The following TAFA2 variants were observed in gnomAD, a reference collection of about 807,000 sequenced individuals.
TAFA2 encodes chemokine-like protein TAFA-2.
Under a neutral mutation model 18.8 loss-of-function variants are expected in TAFA2, and 7 were observed. The observed-to-expected ratio is 0.37, with a 90% CI of 0.21 to 0.70. The LOEUF is 0.70. Among genes scored for constraint, TAFA2 ranks in the 30% least tolerant of loss-of-function variants. TAFA2 has a pLI of 0.53. For synonymous variants in TAFA2, 60 were observed against 54.2 expected (o/e 1.11, Z -0.47); for missense variants, 122 against 158.1 (o/e 0.77, Z 1.23).
At chr12:61,785,635 T>G (rs1592387199) in intron 2 of TAFA2, among the ~76,000 whole-genome samples, 1 of 151,518 alleles carries the variant, frequency 6.6e-6, no homozygotes. Context: ...CCTTGAACTT[T>G]CTGGAAGAAT....
chr12:61,880,224 G>A (rs1875060957), intron 1 of TAFA2: 16 of 489,946 alleles, frequency 3.3e-5, no homozygotes, highest in South Asian at 2.7e-4. Flanking sequence ...GATAACCTGA[G>A]GTGTACAAAG....
chr12:61,797,493 G>A (rs1039777350), intron 2 of TAFA2, among the ~76,000 whole-genome samples: 3 of 152,074 alleles, frequency 2.0e-5, no homozygotes, highest in Non-Finnish European at 4.4e-5. Context: ...GCTGCTGAGT[G>A]AGGAAATGGT....
chr12:62,062,240 C>A (rs1882369546), intron 1 of TAFA2, among the ~76,000 whole-genome samples: 1 of 152,128 alleles, frequency 6.6e-6, no homozygotes, highest in Non-Finnish European at 1.5e-5. Flanking sequence ...TTGAATGTTA[C>A]CCCTCATTTT....
chr12:61,763,756 G>T (rs1008766410), intron 2 of TAFA2, among the ~76,000 whole-genome samples: 1 of 151,884 alleles, frequency 6.6e-6, no homozygotes, highest in Non-Finnish European at 1.5e-5. Context: ...GGAGCTCGGA[G>T]GAAGCAATCA....
chr12:62,162,237 A>G (rs1408428533), intron 1 of TAFA2, among the ~76,000 whole-genome samples: 2 of 152,192 alleles, frequency 1.3e-5, no homozygotes, highest in Non-Finnish European at 2.9e-5. Context: ...ATCTCGCTCT[A>G]CATTGTAGAA....
chr12:61,715,794 C>T (rs1464949764), intron 4 of TAFA2, among the ~76,000 whole-genome samples: 1 of 151,768 alleles, frequency 6.6e-6, no homozygotes, highest in Non-Finnish European at 1.5e-5. Context: ...TGGTGCACAC[C>T]TCTAGTCCCA....
intron 1 of TAFA2, among the ~76,000 whole-genome samples, chr12:62,062,693 A>G (rs1264969876): frequency 6.6e-6 from 1 of 152,232 alleles, no homozygotes; most frequent in Admixed American, 6.5e-5. Flanking sequence ...AGGTCTCACC[A>G]GACTAATATC....
intron 2 of TAFA2, among the ~76,000 whole-genome samples, chr12:61,866,460 G>A (rs1360733369): frequency 4.6e-5 from 7 of 152,170 alleles, no homozygotes; most frequent in Non-Finnish European, 1.0e-4. Context: ...ATAGTGGGCA[G>A]AGAACTAAAT....
At chr12:62,151,933 C>A (rs1366610322) in intron 1 of TAFA2, among the ~76,000 whole-genome samples, 2 of 152,102 alleles carry the variant, frequency 1.3e-5, no homozygotes, top group Admixed American at 1.3e-4. Flanking sequence ...GTAATGTTAG[C>A]CTTTAGAGGT....
At chr12:61,879,655 C>T (rs1203882994) in intron 1 of TAFA2, 20 of 969,658 alleles carry the variant, frequency 2.1e-5, no homozygotes, top group Non-Finnish European at 3.0e-5. Flanking sequence ...AGGTACGGTT[C>T]CTGGAGCAGC....
intron 1 of TAFA2, among the ~76,000 whole-genome samples, chr12:61,952,247 T>C (rs187532346): frequency 7.9e-5 from 12 of 152,238 alleles, no homozygotes; most frequent in Admixed American, 7.9e-4. Context: ...TGTAAAAATG[T>C]CCCACCTATT....
chr12:62,128,604 C>T (rs2136890120), intron 1 of TAFA2, among the ~76,000 whole-genome samples: 1 of 152,134 alleles, frequency 6.6e-6, no homozygotes, highest in Middle Eastern at 3.4e-3. Context: ...CTGCCCTCTC[C>T]CCGCTCTCCC....
chr12:62,120,943 C>T (rs2136879211), intron 1 of TAFA2, among the ~76,000 whole-genome samples: 1 of 152,168 alleles, frequency 6.6e-6, no homozygotes, highest in East Asian at 1.9e-4. Context: ...GCAGCCTCTG[C>T]CTCCTGGGTT....
intron 1 of TAFA2, among the ~76,000 whole-genome samples, chr12:61,876,406 T>C (rs1874848334): frequency 6.6e-6 from 1 of 152,184 alleles, no homozygotes; most frequent in African/African-American, 2.4e-5. Flanking sequence ...ATTCTCACCA[T>C]AGTAACACCT....
chr12:61,773,862 T>C (rs1870140219), intron 2 of TAFA2, among the ~76,000 whole-genome samples: 1 of 152,000 alleles, frequency 6.6e-6, no homozygotes. Context: ...GGGACTTAAT[T>C]AAACTAAAAA....
intron 1 of TAFA2, among the ~76,000 whole-genome samples, chr12:62,113,776 G>A (rs901936148): frequency 6.6e-6 from 1 of 152,124 alleles, no homozygotes; most frequent in African/African-American, 2.4e-5. Context: ...ACTTCCTGGC[G>A]GCTTTGTTTA....
chr12:61,977,138 G>A lies in TAFA2; in HGVS notation c.-1-109712C>T, dbSNP rs376117894. 3.3e-5 allele frequency among the ~76,000 whole-genome samples: 5 copies of A among 152,088 alleles called. No homozygotes were observed. The East Asian group carries it at 9.7e-4, about 30-fold the overall frequency. ...TTTTCAATGCACAAAACATATTGCAGCATTTCATATGAATTTGCATTATAA... is the reference window on the plus strand; with the variant it reads ...TTTTCAATGCACAAAACATATTGCAACATTTCATATGAATTTGCATTATAA... On this transcript the variant is annotated intron_variant, in intron 1 of 4. Coordinates refer to ENST00000416284, the MANE Select transcript of TAFA2 (RefSeq NM_178539.5).
At chr12:62,121,349 G>T (rs182356020) in intron 1 of TAFA2, among the ~76,000 whole-genome samples, 10 of 152,274 alleles carry the variant, frequency 6.6e-5, no homozygotes, top group Admixed American at 2.6e-4. Context: ...ATTTGCGCTT[G>T]TAGTCAGAGA....
chr12:62,008,053 CAT>C (rs1359709885), intron 1 of TAFA2, among the ~76,000 whole-genome samples: 5 of 152,136 alleles, frequency 3.3e-5, no homozygotes, highest in Non-Finnish European at 7.4e-5. Flanking sequence ...TAAAATTCCA[CAT>C]ATGAGTGAGA....
Sources: allele counts gnomAD v4.1 joint callset (sites outside exome capture counted in the v4.1 genomes callset), GRCh38; gene constraint gnomAD v4.1.1; transcripts MANE v1.5; gene names NCBI Gene and HGNC (gene_info 2026-07-23, HGNC 2026-07-21).